Variants in IMMP2L observed in about 807,000 individuals in gnomAD.
IMMP2L encodes inner mitochondrial membrane peptidase subunit 2.
In IMMP2L, 18 loss-of-function variants were observed where a neutral mutation model predicts 19.3. The ratio of observed to expected loss-of-function variants is 0.93; its 90% confidence interval spans 0.64 to 1.38. The LOEUF (loss-of-function observed/expected upper bound fraction) is 1.38, where lower values mean the gene tolerates loss of function less well. Ranked by LOEUF, IMMP2L falls within the 40% of genes most tolerant of loss-of-function variation. The pLI is 0.00. For missense variants in IMMP2L, 233 were observed against 218.2 expected (o/e 1.07, Z -0.43); for synonymous variants, 76 against 73.0 (o/e 1.04, Z -0.21).
intron 5 of IMMP2L, among the ~76,000 whole-genome samples, chr7:110,867,888 T>A (rs938742606): frequency 2.6e-5 from 4 of 151,904 alleles, no homozygotes; most frequent in African/African-American, 9.7e-5. Flanking sequence ...CACATGGAGG[T>A]TTCTGATGCT....
At chr7:111,492,387 C>T in intron 2 of IMMP2L, 2 of 984,308 alleles carry the variant, frequency 2.0e-6, no homozygotes, top group Non-Finnish European at 2.4e-6. Context: ...AAGTCAGGTC[C>T]AGTTTCTAAC....
chr7:111,142,765 T>C (rs573628488), intron 3 of IMMP2L, among the ~76,000 whole-genome samples: 2 of 152,282 alleles, frequency 1.3e-5, no homozygotes, highest in South Asian at 2.1e-4. Flanking sequence ...TCTCCCTCAA[T>C]GGCTTAAAAT....
At chr7:111,150,567 G>C (rs558372866) in intron 3 of IMMP2L, among the ~76,000 whole-genome samples, 1 of 152,160 alleles carries the variant, frequency 6.6e-6, no homozygotes, top group Non-Finnish European at 1.5e-5. Context: ...ATTCAAACAT[G>C]AAACAAAGCT....
chr7:110,952,403 A>C (rs1817921620), intron 4 of IMMP2L, among the ~76,000 whole-genome samples: 1 of 152,272 alleles, frequency 6.6e-6, no homozygotes, highest in Admixed American at 6.5e-5. Flanking sequence ...GCATTCCAAT[A>C]ATGGAACACT....
intron 5 of IMMP2L, among the ~76,000 whole-genome samples, chr7:110,865,902 A>C (rs559136996): frequency 6.6e-6 from 1 of 152,132 alleles, no homozygotes; most frequent in East Asian, 1.9e-4. Context: ...ATAGGCTAAA[A>C]ATTGATACAA....
chr7:110,707,004 A>AT (rs60393281), intron 5 of IMMP2L, among the ~76,000 whole-genome samples: 46,989 of 113,616 alleles, frequency 0.41, 10,537 homozygotes, highest in African/African-American at 0.59. Flanking sequence ...TTTTTTTTTA[A>AT]TTTTTTTTTT....
intron 1 of IMMP2L, among the ~76,000 whole-genome samples, chr7:111,550,285 T>A (rs1849328319): frequency 6.6e-6 from 1 of 152,120 alleles, no homozygotes. Context: ...AGATCAGAAG[T>A]TACCAGGGGT....
chr7:111,372,144 T>C (rs1307202867), intron 3 of IMMP2L, among the ~76,000 whole-genome samples: 1 of 151,874 alleles, frequency 6.6e-6, no homozygotes, highest in Admixed American at 6.6e-5. Context: ...AAACAAAATA[T>C]AAAATACAAA....
chr7:110,730,215 G>A (rs1461915981), intron 5 of IMMP2L, among the ~76,000 whole-genome samples: 1 of 152,102 alleles, frequency 6.6e-6, no homozygotes, highest in Admixed American at 6.6e-5. Context: ...TGAGTCAGTG[G>A]ACTGGGAGAA....
intron 3 of IMMP2L, among the ~76,000 whole-genome samples, chr7:110,992,246 T>G (rs1365332270): frequency 6.6e-6 from 1 of 152,076 alleles, no homozygotes; most frequent in Non-Finnish European, 1.5e-5. Context: ...AATTAGAAAT[T>G]GCAATAGCTA....
At chr7:111,438,139 C>G (rs1437407142) in intron 3 of IMMP2L, among the ~76,000 whole-genome samples, 1 of 151,730 alleles carries the variant, frequency 6.6e-6, no homozygotes, top group Non-Finnish European at 1.5e-5. Context: ...ACGGAGTTAC[C>G]TATTAAAGGC....
intron 3 of IMMP2L, among the ~76,000 whole-genome samples, chr7:111,370,436 AT>A (rs1830164361): frequency 6.6e-6 from 1 of 152,052 alleles, no homozygotes; most frequent in Non-Finnish European, 1.5e-5. Flanking sequence ...ATTGAACAAA[AT>A]AAGCAAAAAT....
chr7:111,155,501 A>G (rs1804538827), intron 3 of IMMP2L, among the ~76,000 whole-genome samples: 1 of 152,122 alleles, frequency 6.6e-6, no homozygotes, highest in African/African-American at 2.4e-5. Flanking sequence ...GCTCTCTTCT[A>G]ACCAATCTCT....
intron 3 of IMMP2L, among the ~76,000 whole-genome samples, chr7:111,445,148 C>T (rs1366708433): frequency 6.6e-6 from 1 of 152,006 alleles, no homozygotes; most frequent in Non-Finnish European, 1.5e-5. Context: ...TCCCATCTCT[C>T]TTCTCACAAT....
chr7:110,834,359 AGTGT>A (rs59237816), intron 5 of IMMP2L, among the ~76,000 whole-genome samples: 2 of 150,252 alleles, frequency 1.3e-5, no homozygotes, highest in African/African-American at 4.9e-5. Flanking sequence ...CAAAGTTAAG[AGTGT>A]GTGTGTGTGT....
At chr7:111,462,436 T>C (rs536268428) in intron 3 of IMMP2L, among the ~76,000 whole-genome samples, 1 of 152,202 alleles carries the variant, frequency 6.6e-6, no homozygotes, top group East Asian at 1.9e-4. Flanking sequence ...TGAAACACAG[T>C]TAATTACATC....
At chr7:111,108,683 C>T (rs1017015535) in intron 3 of IMMP2L, among the ~76,000 whole-genome samples, 1 of 151,966 alleles carries the variant, frequency 6.6e-6, no homozygotes, top group Non-Finnish European at 1.5e-5. Context: ...TTTGTAATCT[C>T]CTGAATTTAA....
chr7:110,903,478 A>G (rs1263329804), intron 4 of IMMP2L, among the ~76,000 whole-genome samples: 1 of 152,190 alleles, frequency 6.6e-6, no homozygotes, highest in African/African-American at 2.4e-5. Flanking sequence ...TGACTATTTT[A>G]GATACCTCAT....
At chr7:111,381,958 G>A (rs751432582) in intron 3 of IMMP2L, among the ~76,000 whole-genome samples, 36 of 151,938 alleles carry the variant, frequency 2.4e-4, no homozygotes, top group Non-Finnish European at 4.9e-4. Context: ...ATCATCAAAT[G>A]TATCAAGTAT....
Sources: allele counts gnomAD v4.1 joint callset (sites outside exome capture counted in the v4.1 genomes callset), GRCh38; gene constraint gnomAD v4.1.1; transcripts MANE v1.5; gene names NCBI Gene and HGNC (gene_info 2026-07-23, HGNC 2026-07-21).